ATF7IP: variants seen among roughly 807,000 people sequenced by gnomAD.
The protein encoded by ATF7IP is activating transcription factor 7 interacting protein, also known as activating transcription factor 7-interacting protein 1.
Under a neutral mutation model 106.4 loss-of-function variants are expected in ATF7IP, and 23 were observed. The ratio of observed to expected loss-of-function variants is 0.22; its 90% CI spans 0.16 to 0.31. The LOEUF (loss-of-function observed/expected upper bound fraction) is 0.31, where lower values mean the gene tolerates loss of function less well. ATF7IP is among the 10% of genes least tolerant of loss of function. The probability of loss-of-function intolerance (pLI) is 1.00; values close to 1 mark genes in which losing one functional copy is unlikely to be tolerated. For missense variants in ATF7IP, 1,334 were observed against 1,524.3 expected, an observed-to-expected ratio of 0.88 and a Z score of 2.08; for synonymous variants, 542 against 539.0, an observed-to-expected ratio of 1.01 and a Z score of -0.08.
chr12:14,486,889 A>G (rs1484217167), intron 13 of ATF7IP, among the ~76,000 whole-genome samples: 1 of 152,154 alleles, frequency 6.6e-6, no homozygotes, highest in Non-Finnish European at 1.5e-5. Context: ...CAAAGATACA[A>G]GTGCTGCCCT....
chr12:14,403,978 A>G (rs1035728613), intron 1 of ATF7IP, among the ~76,000 whole-genome samples: 3 of 152,162 alleles, frequency 2.0e-5, no homozygotes, highest in African/African-American at 7.2e-5. Context: ...TTGGAAAGAA[A>G]GGCATACTCT....
At chr12:14,497,093 T>G (rs1006637169) in intron 14 of ATF7IP, among the ~76,000 whole-genome samples, 2 of 152,238 alleles carry the variant, frequency 1.3e-5, no homozygotes, top group Admixed American at 1.3e-4. Context: ...AGGTACATGA[T>G]TATTTCTGCA....
chr12:14,431,683 C>T (rs115166676), intron 2 of ATF7IP, among the ~76,000 whole-genome samples: 72,878 of 151,816 alleles, frequency 0.48, 17,570 homozygotes, highest in Admixed American at 0.55. Flanking sequence ...TGTGAGCCAC[C>T]ACACCCGGCA....
At chr12:14,454,739 A>G (rs1248878693) in intron 6 of ATF7IP, among the ~76,000 whole-genome samples, 1 of 152,154 alleles carries the variant, frequency 6.6e-6, no homozygotes, top group Non-Finnish European at 1.5e-5. Context: ...TCCTGTTCTG[A>G]CATGTTGCTG....
At chr12:14,368,647 A>T (rs1201965166) in intron 1 of ATF7IP, among the ~76,000 whole-genome samples, 1 of 152,156 alleles carries the variant, frequency 6.6e-6, no homozygotes, top group Admixed American at 6.5e-5. Flanking sequence ...CATATTCAAT[A>T]CCACCATCAA....
intron 5 of ATF7IP, among the ~76,000 whole-genome samples, chr12:14,441,793 A>T (rs1373732377): frequency 5.3e-5 from 8 of 152,006 alleles, no homozygotes; most frequent in African/African-American, 9.7e-5. Flanking sequence ...CCTGCCCAGG[A>T]TACCAAACTC....
chr12:14,489,423 C>T (rs1201379818), intron 13 of ATF7IP, among the ~76,000 whole-genome samples: 1 of 152,114 alleles, frequency 6.6e-6, no homozygotes, highest in Non-Finnish European at 1.5e-5. Flanking sequence ...GCGTTCCTCC[C>T]TCTGGAACTA....
chr12:14,472,164 C>G (rs1361355648), intron 10 of ATF7IP, among the ~76,000 whole-genome samples: 1 of 152,060 alleles, frequency 6.6e-6, no homozygotes, highest in African/African-American at 2.4e-5. Flanking sequence ...TGAAATCTGG[C>G]TACATATCTG....
rs1254825266 is a variant in ATF7IP at position 14,475,917 on chromosome 12, A to G, written c.2890A>G (p.Ser964Gly). Residue 964 changes from serine to glycine, a missense_variant, in exon 11 of 15, where the codon AGT becomes GGT. By Grantham distance (56) the Ser-to-Gly change is moderately conservative. Coordinates refer to ENST00000261168, the MANE Select transcript of ATF7IP (RefSeq NM_018179.5). ...TGGAAAAGCCACTGGCAGTGATTCA[A>G]GTGGTGTCATTGATCTCACAATGGA... The part of the protein sequence containing the change: ...QCGKATGSDS[S>G]GVIDLTMDDE... The G allele has an allele frequency of 6.2e-7, 1 of 1,613,646 alleles. No individual in the cohort carries two copies. Among genetic ancestry groups the G allele is most frequent in the South Asian group, 1.1e-5 (1 of 90,962 alleles).
chr12:14,366,909 A>G (rs569980220), intron 1 of ATF7IP, among the ~76,000 whole-genome samples: 1 of 152,118 alleles, frequency 6.6e-6, no homozygotes, highest in Non-Finnish European at 1.5e-5. Context: ...TTGATTTTTT[A>G]ATTGTAAGTG....
At chr12:14,441,813 G>A (rs972867487) in intron 5 of ATF7IP, among the ~76,000 whole-genome samples, 4 of 151,844 alleles carry the variant, frequency 2.6e-5, no homozygotes, top group Non-Finnish European at 4.4e-5. Flanking sequence ...CACCGCACCC[G>A]GCCCAGGATA....
intron 1 of ATF7IP, among the ~76,000 whole-genome samples, chr12:14,417,800 C>T (rs1252774278): frequency 6.6e-6 from 1 of 152,100 alleles, no homozygotes; most frequent in Non-Finnish European, 1.5e-5. Flanking sequence ...AACAAAGAAC[C>T]ACACTTAAGT....
intron 1 of ATF7IP, among the ~76,000 whole-genome samples, chr12:14,412,033 C>T (rs1940949455): frequency 6.6e-6 from 1 of 152,100 alleles, no homozygotes; most frequent in Admixed American, 6.5e-5. Flanking sequence ...ACTCTTTGTT[C>T]AAAATACTAT....
At chr12:14,423,881 TA>T in intron 1 of ATF7IP, 27 bp from the exon 2 acceptor site, 1 of 1,540,844 alleles carries the variant, frequency 6.5e-7, no homozygotes, top group South Asian at 1.3e-5. Context: ...TTTCAGTTAT[TA>T]AACTCTCTTT....
chr12:14,466,452 A>G (rs1943836429), intron 9 of ATF7IP, 74 bp from the exon 10 acceptor site: 3 of 1,209,460 alleles, frequency 2.5e-6, no homozygotes, highest in Non-Finnish European at 3.6e-6. Context: ...AACTACATGA[A>G]TTGTTTCATA....
At chr12:14,369,242 C>T (rs1938434385) in intron 1 of ATF7IP, 1 of 152,190 alleles carries the variant, frequency 6.6e-6, no homozygotes, top group African/African-American at 2.4e-5. Flanking sequence ...CATGAGCCAC[C>T]ATGTCCAGCC....
At chr12:14,474,539 T>G (rs1944187283) in intron 10 of ATF7IP, among the ~76,000 whole-genome samples, 2 of 152,040 alleles carry the variant, frequency 1.3e-5, no homozygotes, top group Non-Finnish European at 2.9e-5. Flanking sequence ...TAGCTGGGAC[T>G]ATAGACACCC....
chr12:14,491,440 G>A (rs1007539845), intron 13 of ATF7IP, among the ~76,000 whole-genome samples: 13 of 152,156 alleles, frequency 8.5e-5, no homozygotes, highest in Non-Finnish European at 1.9e-4. Flanking sequence ...CCTGAATTTG[G>A]TCAGATTTAT....
chr12:14,466,509 CT>C lies in ATF7IP; in HGVS notation c.2798-10del. On this transcript the variant is annotated splice_polypyrimidine_tract_variant and intron_variant, in intron 9 of 14. Transcript: ENST00000261168. ...ATTTTGTAGATGTTTTTAAAAATGG[CT>C]TTTTTTACTTTTCAGAAAACCAGAC... 5 of 1,590,700 alleles carry C rather than the reference CT, an allele frequency of 3.1e-6. No homozygotes were observed. Among genetic ancestry groups the C allele is most frequent in the Admixed American group, 3.7e-5 (2 of 53,920 alleles).
Sources: gnomAD v4.1 joint callset for allele counts (sites outside exome capture counted in the v4.1 genomes callset) on GRCh38, gnomAD v4.1.1 for gene constraint, MANE v1.5 for transcripts, NCBI Gene and HGNC (gene_info 2026-07-23, HGNC 2026-07-21) for gene names.